CNTNAP3B: variants seen among roughly 807,000 people sequenced by gnomAD.
CNTNAP3B encodes contactin associated protein family member 3B.
CNTNAP3B carries 25 observed loss-of-function variants against 108.9 expected under a neutral mutation model. The observed-to-expected ratio is 0.23, with a 90% CI of 0.17 to 0.32. CNTNAP3B has a LOEUF of 0.32. Among genes scored for constraint, CNTNAP3B ranks in the 10% least tolerant of loss-of-function variants. CNTNAP3B has a pLI of 1.00. For synonymous variants in CNTNAP3B, 103 were observed against 473.4 expected (o/e 0.22, Z 10.16); for missense variants, 252 against 1,210.4 (o/e 0.21, Z 11.75).
chr9:41,916,929 C>T (rs1364798516), intron 18 of CNTNAP3B, among the ~76,000 whole-genome samples: 2 of 148,932 alleles, frequency 1.3e-5, no homozygotes, highest in East Asian at 2.0e-4. Context: ...CCTGGCGTTT[C>T]CTTGTATATA....
At chr9:41,954,186 C>T (rs1224264217) in intron 12 of CNTNAP3B, among the ~76,000 whole-genome samples, 2 of 152,246 alleles carry the variant, frequency 1.3e-5, no homozygotes, top group African/African-American at 4.8e-5. Flanking sequence ...GAATAATGGA[C>T]ATTTTACATA....
chr9:41,960,476 T>C (rs1825045428), intron 12 of CNTNAP3B, among the ~76,000 whole-genome samples: 1 of 152,098 alleles, frequency 6.6e-6, no homozygotes, highest in Non-Finnish European at 1.5e-5. Flanking sequence ...ACAGAAAGCA[T>C]GTAAATCACC....
rs1316572849 is a variant in CNTNAP3B at position 42,095,524 on chromosome 9, A to C, written c.196+9105T>G. On this transcript the variant is annotated intron_variant, in intron 2 of 23. Transcript: ENST00000377561. ...ACATTAATTTGAGGCTAGAGAAGAT[A>C]CTGACTATAACCCTGACAAAAGCCA... 4.3e-5 allele frequency among the ~76,000 whole-genome samples: 6 copies of C among 139,316 alleles called. 1 individual carries two copies. The highest frequency in any genetic ancestry group is 7.7e-5 in the Non-Finnish European group (5 of 65,152). The allele number at this position is 139,316 out of a possible 152,430, so 91.4% of individuals were successfully genotyped here. A position where few individuals can be genotyped will look rare whatever the true frequency, so the allele number is the denominator to read the frequency against.
chr9:42,035,438 A>G (rs1210597570), intron 3 of CNTNAP3B, among the ~76,000 whole-genome samples: 1 of 146,096 alleles, frequency 6.8e-6, no homozygotes, highest in Non-Finnish European at 1.5e-5. Context: ...GTTCCTAACT[A>G]TTTTAAGATA....
chr9:41,955,344 G>T (rs1187699482), intron 12 of CNTNAP3B, among the ~76,000 whole-genome samples: 1 of 151,864 alleles, frequency 6.6e-6, no homozygotes, highest in Non-Finnish European at 1.5e-5. Context: ...GACATTATAG[G>T]ATATGCATTT....
intron 14 of CNTNAP3B, among the ~76,000 whole-genome samples, chr9:41,934,100 CATATAT>C (rs1186532915): frequency 1.0e-3 from 92 of 90,214 alleles, no homozygotes; most frequent in African/African-American, 3.4e-3. Flanking sequence ...ATATTTGTTA[CATATAT>C]ATATATATAT....
At chr9:41,988,835 CAAAT>C (rs1175157082) in intron 8 of CNTNAP3B, among the ~76,000 whole-genome samples, 1 of 88,782 alleles carries the variant, frequency 1.1e-5, no homozygotes, top group African/African-American at 4.3e-5. Flanking sequence ...TATCTTTTGA[CAAAT>C]AAAAGCAGAT....
intron 2 of CNTNAP3B, among the ~76,000 whole-genome samples, chr9:42,089,460 A>G (rs980612232): frequency 7.3e-6 from 1 of 137,908 alleles, no homozygotes; most frequent in African/African-American, 2.9e-5. Flanking sequence ...ATCGCATACT[A>G]TAACAAACCA....
chr9:41,920,425 A>G (rs1456291406), intron 17 of CNTNAP3B, 116 bp from the exon 18 acceptor site: 1 of 1,348,436 alleles, frequency 7.4e-7, no homozygotes, highest in African/African-American at 1.5e-5. Context: ...GTGTCAAAAA[A>G]TTTTGTGAAC....
chr9:41,973,106 T>TC (rs1825454765), intron 9 of CNTNAP3B, among the ~76,000 whole-genome samples: 1 of 47,554 alleles, frequency 2.1e-5, no homozygotes, highest in African/African-American at 1.1e-4. Flanking sequence ...CCCTGCTAAT[T>TC]TTTTTTTTTT....
chr9:41,967,661 G>A (rs1825321601), intron 10 of CNTNAP3B, among the ~76,000 whole-genome samples: 1 of 152,274 alleles, frequency 6.6e-6, no homozygotes, highest in Admixed American at 6.5e-5. Context: ...AAAGGGAACA[G>A]CAAAGGTCTT....
At chr9:41,964,091 T>G (rs1321788453) in intron 11 of CNTNAP3B, among the ~76,000 whole-genome samples, 1 of 152,302 alleles carries the variant, frequency 6.6e-6, no homozygotes, top group East Asian at 1.9e-4. Flanking sequence ...GATTGCATCA[T>G]CCCAGTGATT....
intron 15 of CNTNAP3B, among the ~76,000 whole-genome samples, chr9:41,925,518 G>T (rs932007501): frequency 1.9e-4 from 29 of 152,394 alleles, no homozygotes; most frequent in African/African-American, 6.5e-4. Context: ...ACGTGAACCC[G>T]GGAGGCGGAG....
intron 18 of CNTNAP3B, among the ~76,000 whole-genome samples, chr9:41,918,069 G>A (rs1248146853): frequency 2.0e-5 from 3 of 152,362 alleles, no homozygotes; most frequent in East Asian, 1.9e-4. Flanking sequence ...TACTAGTTAT[G>A]CCTGTTTCGT....
At chr9:41,948,194 C>G (rs1343462231) in intron 13 of CNTNAP3B, among the ~76,000 whole-genome samples, 1 of 147,004 alleles carries the variant, frequency 6.8e-6, no homozygotes, top group African/African-American at 2.5e-5. Flanking sequence ...CAAGTTCAAG[C>G]GATTCTCCTG....
intron 13 of CNTNAP3B, among the ~76,000 whole-genome samples, chr9:41,941,210 A>G (rs1443463105): frequency 2.6e-5 from 4 of 151,082 alleles, no homozygotes; most frequent in African/African-American, 7.3e-5. Context: ...TAAGAAAATT[A>G]TAAAAATTAC....
rs1245378287 is a variant in CNTNAP3B at position 42,038,459 on chromosome 9, A to G, written c.391-24934T>C. ...GATCTGCCAAGCAATGGAAAATAAA[A>G]AAAAAGCAGGGGTTGCAATCCTAGT... On this transcript the variant is annotated intron_variant, in intron 3 of 23. Transcript: ENST00000377561. Among the ~76,000 whole-genome samples the G allele has an allele frequency of 2.0e-5, 2 of 97,950 alleles. 1 individual carries two copies. Among genetic ancestry groups the G allele is most frequent in the African/African-American group, 7.7e-5 (2 of 26,044 alleles). The allele number at this position is 97,950 out of a possible 152,430, so 64.3% of individuals were successfully genotyped here.
In CNTNAP3B at chr9:42,111,431, C is replaced by T. The variant is rs576499318; in HGVS notation, c.86-6692G>A. On this transcript the variant is annotated intron_variant, in intron 1 of 23. Transcript: ENST00000377561. ...ATAGTATCTGTAGAACTCAACATTG[C>T]TAAGAACAGAAATAAAGGAAAATAG... is the stretch of plus-strand genomic sequence containing the variant. 2.9e-4 allele frequency among the ~76,000 whole-genome samples: 40 copies of T among 138,924 alleles called. 7 individuals carry two copies. The highest frequency in any genetic ancestry group is 1.1e-3 in the African/African-American group (40 of 34,972). 91.1% of individuals were successfully genotyped at this position (138,924 alleles called of 152,430 possible).
intron 15 of CNTNAP3B, among the ~76,000 whole-genome samples, chr9:41,928,719 C>A (rs955553414): frequency 8.6e-5 from 13 of 150,338 alleles, no homozygotes; most frequent in African/African-American, 1.2e-4. Context: ...AACACTATTA[C>A]AATTTTTCTC....
Sources: allele counts gnomAD v4.1 joint callset (sites outside exome capture counted in the v4.1 genomes callset), GRCh38; gene constraint gnomAD v4.1.1; transcripts MANE v1.5; gene names NCBI Gene and HGNC (gene_info 2026-07-23, HGNC 2026-07-21).